Variants in SYT1 observed in about 807,000 individuals in gnomAD.
SYT1 encodes the protein synaptotagmin 1.
SYT1 carries 8 observed loss-of-function variants against 44.8 expected under a neutral mutation model. The ratio of observed to expected loss-of-function variants is 0.18; its 90% CI spans 0.10 to 0.32. The LOEUF (loss-of-function observed/expected upper bound fraction) is 0.32. Ranked by LOEUF, SYT1 falls within the 10% of genes least tolerant of loss-of-function variation. The pLI is 1.00. For missense variants in SYT1, 286 were observed against 509.3 expected (o/e 0.56, Z 4.22); for synonymous variants, 154 against 188.8 (o/e 0.82, Z 1.51).
intron 8 of SYT1, among the ~76,000 whole-genome samples, chr12:79,352,475 G>A (rs1484543531): frequency 6.6e-6 from 1 of 152,086 alleles, no homozygotes; most frequent in African/African-American, 2.4e-5. Flanking sequence ...AATAAGTCTT[G>A]ATTTGCCATA....
At chr12:78,962,724 GA>G in intron 1 of SYT1, among the ~76,000 whole-genome samples, 1 of 152,182 alleles carries the variant, frequency 6.6e-6, no homozygotes, top group Non-Finnish European at 1.5e-5. Context: ...GAATTGGAAA[GA>G]AAAAATTGTG....
intron 3 of SYT1, among the ~76,000 whole-genome samples, chr12:79,062,213 G>C (rs1875442568): frequency 6.6e-6 from 1 of 152,156 alleles, no homozygotes; most frequent in Admixed American, 6.6e-5. Flanking sequence ...AGTTATTGCA[G>C]TGAGGAAATT....
intron 9 of SYT1, among the ~76,000 whole-genome samples, chr12:79,359,898 G>A (rs952211105): frequency 6.6e-6 from 1 of 152,068 alleles, no homozygotes; most frequent in African/African-American, 2.4e-5. Context: ...AACCAGCAGA[G>A]GTAGGTCATT....
At chr12:79,416,285 A>C (rs921653135) in intron 9 of SYT1, among the ~76,000 whole-genome samples, 3 of 152,204 alleles carry the variant, frequency 2.0e-5, no homozygotes, top group Admixed American at 1.3e-4. Flanking sequence ...CATGAAACAA[A>C]AGGTATGGTA....
chr12:79,326,475 G>A (rs1171323388), intron 8 of SYT1, among the ~76,000 whole-genome samples: 2 of 152,232 alleles, frequency 1.3e-5, no homozygotes, highest in Non-Finnish European at 2.9e-5. Flanking sequence ...TGCAGGCAAA[G>A]AGGTGCAGGA....
chr12:79,098,889 A>T (rs969559847), intron 3 of SYT1, among the ~76,000 whole-genome samples: 12 of 152,302 alleles, frequency 7.9e-5, no homozygotes, highest in African/African-American at 2.9e-4. Context: ...CACTACACAG[A>T]TTGGTAGCAG....
At chr12:79,033,572 C>T (rs1187737178) in intron 2 of SYT1, among the ~76,000 whole-genome samples, 2 of 151,218 alleles carry the variant, frequency 1.3e-5, no homozygotes, top group Admixed American at 1.3e-4. Flanking sequence ...CGTCTCCTAC[C>T]TTTGGTCTTT....
At chr12:79,404,713 C>T (rs116747749) in intron 9 of SYT1, among the ~76,000 whole-genome samples, 2,344 of 152,286 alleles carry the variant, frequency 0.015, 43 homozygotes, top group African/African-American at 0.042. Context: ...CATAATGCAA[C>T]GAGAGCTAAC....
intron 3 of SYT1, among the ~76,000 whole-genome samples, chr12:79,153,840 G>C (rs1401273606): frequency 6.6e-6 from 1 of 152,038 alleles, no homozygotes; most frequent in African/African-American, 2.4e-5. Context: ...TTGAGGTTCA[G>C]AAATAAAATC....
Position 79,042,412 on chromosome 12 carries a change from T to C in SYT1, c.-83-4885T>C, listed in dbSNP as rs1873655035. ...TTCTAGATTTTCTAGTTTATTTGCG[T>C]AGAGGTGTTTGTAGTATTCTCTGAT... is the stretch of plus-strand genomic sequence containing the variant. On this transcript the variant is annotated intron_variant, in intron 2 of 10. Transcript: ENST00000261205. Among the ~76,000 whole-genome samples, 23 of 148,852 alleles carry C rather than the reference T, an allele frequency of 1.5e-4. No individual in the cohort carries two copies. The South Asian group carries it at 4.9e-3, about 32-fold the overall frequency.
At chr12:79,333,190 G>A (rs1881934556) in intron 8 of SYT1, among the ~76,000 whole-genome samples, 1 of 152,162 alleles carries the variant, frequency 6.6e-6, no homozygotes. Context: ...ATTTCTCACA[G>A]TTCTGGAAGC....
At chr12:78,978,663 T>A (rs1269040733) in intron 2 of SYT1, among the ~76,000 whole-genome samples, 2 of 152,192 alleles carry the variant, frequency 1.3e-5, no homozygotes, top group Non-Finnish European at 2.9e-5. Context: ...CGTGAGGTGA[T>A]TAGATTATCT....
intron 3 of SYT1, among the ~76,000 whole-genome samples, chr12:79,174,312 A>T (rs746261443): frequency 1.3e-4 from 20 of 152,126 alleles, no homozygotes; most frequent in Non-Finnish European, 2.5e-4. Context: ...AATAGCATAA[A>T]TACAGAAAAA....
At chr12:79,348,461 G>T (rs558785920) in intron 8 of SYT1, among the ~76,000 whole-genome samples, 3 of 152,118 alleles carry the variant, frequency 2.0e-5, no homozygotes, top group Non-Finnish European at 4.4e-5. Flanking sequence ...ATGAATGAAG[G>T]CATGTGGTCA....
chr12:78,923,166 A>G (rs1004848345), intron 1 of SYT1, among the ~76,000 whole-genome samples: 1 of 151,998 alleles, frequency 6.6e-6, no homozygotes, highest in Non-Finnish European at 1.5e-5. Context: ...TATGCTGTCC[A>G]ATATGGTGGT....
At chr12:79,105,176 G>A (rs1326190887) in intron 3 of SYT1, among the ~76,000 whole-genome samples, 1 of 152,148 alleles carries the variant, frequency 6.6e-6, no homozygotes, top group Admixed American at 6.5e-5. Context: ...TCCACCTCCT[G>A]TTTGTTTAGC....
chr12:79,379,683 A>G (rs1054979580), intron 9 of SYT1, among the ~76,000 whole-genome samples: 1 of 152,172 alleles, frequency 6.6e-6, no homozygotes, highest in African/African-American at 2.4e-5. Context: ...ATATGTTTAT[A>G]TACTGAAGAA....
At chr12:79,305,727 A>G (rs113421659) in intron 8 of SYT1, among the ~76,000 whole-genome samples, 1,674 of 151,986 alleles carry the variant, frequency 0.011, 32 homozygotes, top group African/African-American at 0.038. Flanking sequence ...ATTGAGTCTC[A>G]CTCTATCGCC....
chr12:79,183,074 GT>G (rs1164338102), intron 3 of SYT1, among the ~76,000 whole-genome samples: 4 of 152,040 alleles, frequency 2.6e-5, no homozygotes, highest in African/African-American at 9.7e-5. Context: ...GTCAGCAAAT[GT>G]TTATTGTGCA....
Sources: gnomAD v4.1 joint callset for allele counts (sites outside exome capture counted in the v4.1 genomes callset) on GRCh38, gnomAD v4.1.1 for gene constraint, MANE v1.5 for transcripts, NCBI Gene and HGNC (gene_info 2026-07-23, HGNC 2026-07-21) for gene names.